Variants in INTS7 observed in about 807,000 individuals in gnomAD.
INTS7 encodes the protein integrator complex subunit 7, also known as chromosome 1 open reading frame 73.
Under a neutral mutation model 109.2 loss-of-function variants are expected in INTS7, and 46 were observed. That is an observed-to-expected ratio of 0.42 (90% CI 0.33 to 0.54). The LOEUF (loss-of-function observed/expected upper bound fraction) is 0.54. INTS7 is among the 20% of genes least tolerant of loss of function. The pLI is 0.07. For synonymous variants in INTS7, 412 were observed against 402.9 expected (o/e 1.02, Z -0.27); for missense variants, 929 against 1,132.4 (o/e 0.82, Z 2.58).
At chr1:212,026,315 C>A (rs1386535436) in intron 1 of INTS7, among the ~76,000 whole-genome samples, 1 of 152,120 alleles carries the variant, frequency 6.6e-6, no homozygotes, top group East Asian at 1.9e-4. Context: ...AACATTATTT[C>A]CTCATAGGAA....
At position 211,950,777 on chromosome 1, in the gene INTS7, C is replaced by A. The variant is rs116989559; in HGVS notation, c.2316+1792G>T. 1.2e-4 allele frequency among the ~76,000 whole-genome samples: 18 copies of A among 152,308 alleles called. No individual in the cohort carries two copies. The East Asian group carries it at 3.5e-3, about 29-fold the overall frequency. ...CCTAGTTCTGAATGAGCCTAGGGCC[C>A]TTTTCTCTGTACTGTGTCTTCTGCT... is the stretch of plus-strand genomic sequence containing the variant. On this transcript the variant is annotated intron_variant, in intron 17 of 19. Transcript: ENST00000366994.
At chr1:212,011,081 ACTCT>A (rs1454124359) in intron 5 of INTS7, among the ~76,000 whole-genome samples, 2 of 151,966 alleles carry the variant, frequency 1.3e-5, no homozygotes, top group Non-Finnish European at 2.9e-5. Flanking sequence ...TACTTTTGAG[ACTCT>A]CTATCCTTCT....
intron 11 of INTS7, 84 bp downstream of exon 11, chr1:211,978,188 G>T: frequency 6.7e-7 from 1 of 1,486,654 alleles, no homozygotes; most frequent in South Asian, 1.2e-5. Context: ...TTTAAGTAAA[G>T]TCAAATAGTA....
At chr1:212,019,241 A>G (rs1161876913) in intron 3 of INTS7, among the ~76,000 whole-genome samples, 1 of 151,956 alleles carries the variant, frequency 6.6e-6, no homozygotes, top group African/African-American at 2.4e-5. Context: ...ACAGAGCAAG[A>G]CTCCATCTCA....
intron 17 of INTS7, 50 bp downstream of exon 17, chr1:211,952,519 A>G: frequency 6.3e-7 from 1 of 1,579,180 alleles, no homozygotes; most frequent in Non-Finnish European, 8.6e-7. Flanking sequence ...TAAATGTATG[A>G]AAAACCCACA....
In INTS7 at chr1:211,953,655, G is replaced by T. The variant is rs527774154; in HGVS notation, c.2184-954C>A. On this transcript the variant is annotated intron_variant, in intron 16 of 19. Transcript: ENST00000366994. Reference sequence around the variant, plus strand: ...TATGAGTGAGAACATGCGGTGTTTGGTTTTTTGTCCTTGCGATAGTTTGCT... The same window carrying T: ...TATGAGTGAGAACATGCGGTGTTTGTTTTTTTGTCCTTGCGATAGTTTGCT... Among the ~76,000 whole-genome samples the T allele has an allele frequency of 3.2e-3, 477 of 149,310 alleles. 1 individual carries two copies. Among genetic ancestry groups the T allele is most frequent in the African/African-American group, 0.01 (406 of 40,468 alleles).
chr1:212,015,998 A>C (rs1009027718), intron 4 of INTS7, among the ~76,000 whole-genome samples: 1 of 152,094 alleles, frequency 6.6e-6, no homozygotes, highest in African/African-American at 2.4e-5. Flanking sequence ...CAAACCTGTT[A>C]TATTACATAA....
intron 16 of INTS7, among the ~76,000 whole-genome samples, chr1:211,964,317 A>G (rs1249162217): frequency 6.6e-6 from 1 of 152,200 alleles, no homozygotes; most frequent in Non-Finnish European, 1.5e-5. Context: ...AACGAAATCA[A>G]AGATAACACA....
Position 211,942,103 on chromosome 1 carries a change from A to T in INTS7, c.2610T>A (p.Ile870=). The change falls in exon 20 of 20, where the codon ATT becomes ATA. Residue 870 remains isoleucine (I), a synonymous_variant. Coordinates refer to ENST00000366994, the MANE Select transcript of INTS7 (RefSeq NM_015434.4). This position sits in a 1 kb window ranked among gnomAD's most constrained non-coding sequence, Gnocchi z 4.2. ...SKSGQDYKIP[I]DNMTNEMEQR... Reference sequence around the variant, plus strand: ...GCTCCATCTCATTGGTCATGTTGTCAATGGGTATCTGCAATGAAACAATTG... The same window carrying T: ...GCTCCATCTCATTGGTCATGTTGTCTATGGGTATCTGCAATGAAACAATTG... 1 of 1,613,490 alleles carries T rather than the reference A, an allele frequency of 6.2e-7. No homozygotes were observed. Among genetic ancestry groups the T allele is most frequent in the East Asian group, 2.2e-5 (1 of 44,882 alleles).
chr1:212,016,294 G>A (rs1666440759), intron 4 of INTS7, among the ~76,000 whole-genome samples: 1 of 152,112 alleles, frequency 6.6e-6, no homozygotes, highest in African/African-American at 2.4e-5. Flanking sequence ...ACCCCAGAAG[G>A]CAATGCTACT....
intron 4 of INTS7, among the ~76,000 whole-genome samples, chr1:212,012,617 T>C (rs1666210113): frequency 6.6e-6 from 1 of 152,206 alleles, no homozygotes; most frequent in African/African-American, 2.4e-5. Context: ...ATTCATTTGG[T>C]ATTTTTTAAT....
At chr1:211,990,829 A>G (rs927301178) in intron 7 of INTS7, among the ~76,000 whole-genome samples, 1 of 152,218 alleles carries the variant, frequency 6.6e-6, no homozygotes, top group Non-Finnish European at 1.5e-5. Context: ...CTTAAAAGTT[A>G]GGCAGAATAA....
chr1:211,994,306 T>C (rs1665274453), intron 7 of INTS7, among the ~76,000 whole-genome samples: 1 of 152,164 alleles, frequency 6.6e-6, no homozygotes, highest in Non-Finnish European at 1.5e-5. Flanking sequence ...TGTTTTCCCC[T>C]GCTGTATTTC....
rs1352267890 is a variant in INTS7, at chr1:212,035,540, G to C, written c.-103C>G. On this transcript the variant is annotated 5_prime_UTR_variant, in exon 1 of 20. Transcript: ENST00000366994. ...CTTCTTGCTGGTTTTTCTTCCGCGC[G>C]CTGTCAAGCCCTGTTACGCATGCGC... The C allele has an allele frequency of 3.1e-6, 3 of 961,280 alleles. No homozygotes were observed. Among genetic ancestry groups the C allele is most frequent in the Non-Finnish European group, 4.9e-6 (3 of 606,214 alleles). 59.5% of individuals were successfully genotyped at this position (961,280 alleles called of 1,614,324 possible).
rs1340789937 is a variant in INTS7, at chr1:211,959,570, T to C, written c.2183+6860A>G. Among the ~76,000 whole-genome samples the C allele has an allele frequency of 6.6e-6, 1 of 152,162 alleles. No homozygotes were observed. Among genetic ancestry groups the C allele is most frequent in the Admixed American group, 6.5e-5 (1 of 15,286 alleles). On this transcript the variant is annotated intron_variant, in intron 16 of 19. Coordinates refer to ENST00000366994, the MANE Select transcript of INTS7 (RefSeq NM_015434.4). The surrounding 1 kb of genome is among the most constrained non-coding windows in gnomAD (Gnocchi z 4.2). The stretch of plus-strand genomic sequence containing the variant: ...CTTTGCCTGCGTGTGCATGGGCAGA[T>C]CTTGCCTCCCCAGCCCCACAAGTGC...
rs1337333981 is a variant in INTS7, at chr1:211,968,517, T to C, written c.2006A>G (p.Asn669Ser). The change falls in exon 14 of 20, where the codon AAT becomes AGT. Residue 669 changes from asparagine to serine, a missense_variant. Asn to Ser is a conservative substitution (Grantham distance 46). This residue lies in a region of INTS7 where 787 missense variants were observed against 901.1 expected (regional missense o/e 0.87). Coordinates refer to ENST00000366994, the MANE Select transcript of INTS7 (RefSeq NM_015434.4). ...GCACTGAAAGTTAAGACATGCCTGA[T>C]TGGAGATGCGACCACACCTCTGGAG... ...NDLQRCGRIS[N>S]QMKQSMEEFR... The C allele has an allele frequency of 6.2e-7, 1 of 1,611,460 alleles. No individual in the cohort carries two copies. Among genetic ancestry groups the C allele is most frequent in the Non-Finnish European group, 8.5e-7 (1 of 1,178,684 alleles).
At chr1:212,033,808 GC>G (rs1667279974) in intron 1 of INTS7, among the ~76,000 whole-genome samples, 42 of 152,142 alleles carry the variant, frequency 2.8e-4, no homozygotes, top group Admixed American at 2.7e-3. Flanking sequence ...AAGGCCGGGC[GC>G]GGTGGCTCAT....
intron 5 of INTS7, 71 bp from the exon 6 acceptor site, chr1:212,007,520 T>G: frequency 7.9e-7 from 1 of 1,269,026 alleles, no homozygotes; most frequent in Non-Finnish European, 1.1e-6. Context: ...TTAAAAGCTG[T>G]GACTCATTTA....
At chr1:211,989,379 G>GTT (rs541880288) in intron 7 of INTS7, among the ~76,000 whole-genome samples, 4,845 of 143,342 alleles carry the variant, frequency 0.034, 261 homozygotes, top group African/African-American at 0.11. Context: ...CTATATCCCT[G>GTT]TTTTTTTTTT....
Sources: allele counts gnomAD v4.1 joint callset (sites outside exome capture counted in the v4.1 genomes callset), GRCh38; gene constraint gnomAD v4.1.1; regional missense constraint gnomAD v4.1.1; non-coding constraint Gnocchi (gnomAD v3.1); transcripts MANE v1.5; gene names NCBI Gene and HGNC (gene_info 2026-07-23, HGNC 2026-07-21).